Variants in AFF1 observed in about 807,000 individuals in gnomAD.
AFF1 encodes AF4/FMR2 family member 1.
A neutral mutation model predicts 121.7 loss-of-function variants in AFF1; 48 were observed. The ratio of observed to expected loss-of-function variants is 0.39; its 90% CI spans 0.31 to 0.50. The LOEUF (loss-of-function observed/expected upper bound fraction) is 0.50. Among genes scored for constraint, AFF1 ranks in the 20% least tolerant of loss-of-function variants. AFF1 has a pLI of 0.76. For missense variants in AFF1, 1,523 were observed against 1,511.7 expected (o/e 1.01, Z -0.12); for synonymous variants, 613 against 563.0 (o/e 1.09, Z -1.26).
intron 12 of AFF1, among the ~76,000 whole-genome samples, chr4:87,119,470 C>T (rs1727455838): frequency 6.6e-6 from 1 of 152,014 alleles, no homozygotes; most frequent in South Asian, 2.1e-4. Context: ...ACTCGGGAAG[C>T]TGTGGTGGGA....
intron 2 of AFF1, among the ~76,000 whole-genome samples, chr4:87,035,495 A>G (rs1156618101): frequency 6.6e-6 from 1 of 151,910 alleles, no homozygotes; most frequent in Non-Finnish European, 1.5e-5. Flanking sequence ...CGGGAGGCGG[A>G]GCTTGCAGTG....
At chr4:86,975,285 CTG>C (rs1436518245) in intron 2 of AFF1, among the ~76,000 whole-genome samples, 2 of 152,158 alleles carry the variant, frequency 1.3e-5, no homozygotes, top group Middle Eastern at 3.2e-3. Context: ...GCGTCTCACT[CTG>C]TTACCCAGGC....
In AFF1 at chr4:87,134,533, A is replaced by G. The variant is rs1407467267; in HGVS notation, c.3374A>G (p.Gln1125Arg). ...TCTCCTGCCAGCTCCGTAGGGTCCCAGTCAAGTGCTGGCAGTGTGGGGAGC... is the reference window on the plus strand; with the variant it reads ...TCTCCTGCCAGCTCCGTAGGGTCCCGGTCAAGTGCTGGCAGTGTGGGGAGC... ...MPSPASSVGS[Q>R]SSAGSVGSSG... is the part of the protein sequence containing the mutation. The change falls in exon 20 of 21, where the codon CAG becomes CGG. Residue 1125 changes from glutamine to arginine, a missense_variant. Around this residue, in one of 5 missense-constraint regions of AFF1, gnomAD observed 241 missense variants for 265.2 expected, o/e 0.91. Transcript: ENST00000395146. 6.2e-7 allele frequency: 1 copy of G among 1,613,820 alleles called. No homozygotes were observed. Among genetic ancestry groups the G allele is most frequent in the African/African-American group, 1.3e-5 (1 of 74,906 alleles).
intron 4 of AFF1, among the ~76,000 whole-genome samples, chr4:87,081,363 G>A (rs1261186542): frequency 2.4e-4 from 37 of 151,642 alleles, no homozygotes; most frequent in Admixed American, 2.2e-3. Context: ...GGGTTTCACC[G>A]TGTTAGCCAG....
At chr4:87,019,551 C>G (rs1727672881) in intron 2 of AFF1, among the ~76,000 whole-genome samples, 1 of 152,172 alleles carries the variant, frequency 6.6e-6, no homozygotes, top group Admixed American at 6.5e-5. Context: ...GGTTGTCAAT[C>G]TTGCCTACAC....
At chr4:87,072,178 A>C (rs1296844795) in intron 4 of AFF1, among the ~76,000 whole-genome samples, 20 of 152,250 alleles carry the variant, frequency 1.3e-4, no homozygotes, top group Non-Finnish European at 1.5e-5. Context: ...CCTGGCTAAC[A>C]CGGTGAAGAC....
chr4:87,107,885 G>A (rs1203220479), intron 10 of AFF1, among the ~76,000 whole-genome samples: 5 of 152,184 alleles, frequency 3.3e-5, no homozygotes, highest in South Asian at 2.1e-4. Flanking sequence ...GAAGCACCCA[G>A]CATCTAACTT....
intron 8 of AFF1, among the ~76,000 whole-genome samples, chr4:87,099,792 G>C (rs1439830730): frequency 6.6e-6 from 1 of 152,186 alleles, no homozygotes; most frequent in African/African-American, 2.4e-5. Context: ...ACAAACTGTA[G>C]GTGGCATATA....
intron 2 of AFF1, among the ~76,000 whole-genome samples, chr4:86,977,189 AC>A (rs76749364): frequency 0.14 from 21,584 of 152,120 alleles, 1,927 homozygotes; most frequent in East Asian, 0.21. Context: ...ATAGTACTGC[AC>A]CCTATACACT....
chr4:87,106,793 G>T (rs907275519), intron 10 of AFF1, among the ~76,000 whole-genome samples: 1 of 152,188 alleles, frequency 6.6e-6, no homozygotes, highest in African/African-American at 2.4e-5. Context: ...ACTCAGAGAC[G>T]ACATTAGCAA....
chr4:87,079,159 T>C (rs1056339753), intron 4 of AFF1, among the ~76,000 whole-genome samples: 1 of 152,168 alleles, frequency 6.6e-6, no homozygotes. Flanking sequence ...TCCTGGTTAG[T>C]GATAAGTAAG....
intron 15 of AFF1, 22 bp from the exon 16 acceptor site, chr4:87,127,621 C>A (rs761008577): frequency 5.6e-6 from 9 of 1,613,882 alleles, no homozygotes; most frequent in Non-Finnish European, 7.6e-6. Flanking sequence ...ATGACCTGTC[C>A]CTGGTTTTTC....
At chr4:87,095,899 G>A (rs953759784) in intron 8 of AFF1, among the ~76,000 whole-genome samples, 8 of 152,116 alleles carry the variant, frequency 5.3e-5, no homozygotes, top group African/African-American at 1.9e-4. Context: ...TGTGTTGCTA[G>A]TCTCAGGATT....
chr4:87,036,805 A>G (rs775420279), intron 2 of AFF1: 1 of 514,900 alleles, frequency 1.9e-6, no homozygotes, highest in East Asian at 5.5e-5. Context: ...GGCAGCAAGT[A>G]TCTGCTTTTT....
chr4:87,007,858 G>C (rs1356302612), intron 2 of AFF1, among the ~76,000 whole-genome samples: 1 of 152,180 alleles, frequency 6.6e-6, no homozygotes, highest in East Asian at 1.9e-4. Context: ...GAGGGTGGGT[G>C]AGAATTTGCC....
intron 2 of AFF1, among the ~76,000 whole-genome samples, chr4:87,031,288 T>C (rs1729058248): frequency 6.6e-6 from 1 of 152,188 alleles, no homozygotes; most frequent in South Asian, 2.1e-4. Flanking sequence ...TCTTTCTCTC[T>C]TGGAAACTTC....
At chr4:87,063,256 T>TTTTTTTTTTTTTGA (rs869168821) in intron 4 of AFF1, among the ~76,000 whole-genome samples, 4 of 134,552 alleles carry the variant, frequency 3.0e-5, no homozygotes, top group African/African-American at 1.2e-4. Context: ...TTTTTTTTTT[T>TTTTTTTTTTTTTGA]GAGACAGAGT....
Position 87,066,637 on chromosome 4 carries a change from TAGTA to T in AFF1, c.1060-17482_1060-17479del, listed in dbSNP as rs1315113336. 2.6e-4 allele frequency among the ~76,000 whole-genome samples: 40 copies of T among 152,162 alleles called. No individual in the cohort carries two copies. In the East Asian group the frequency reaches 7.4e-3, roughly 28 times the overall value. On this transcript the variant is annotated intron_variant, in intron 4 of 20. Coordinates refer to ENST00000395146, the MANE Select transcript of AFF1 (RefSeq NM_001166693.3). Reference sequence around the variant, plus strand: ...AGGTAGGGAGAGACAAGGAGAAGGGTAGTACTGACATGGCCTGTCTTTACTTTCC... The same window carrying T: ...AGGTAGGGAGAGACAAGGAGAAGGGTCTGACATGGCCTGTCTTTACTTTCC...
At chr4:86,947,145 G>A (rs1720926465) in intron 1 of AFF1, among the ~76,000 whole-genome samples, 1 of 152,140 alleles carries the variant, frequency 6.6e-6, no homozygotes, top group Admixed American at 6.5e-5. Context: ...AGACTAGTGG[G>A]GATTGAGTTG....
Sources: allele counts gnomAD v4.1 joint callset (sites outside exome capture counted in the v4.1 genomes callset), GRCh38; gene constraint gnomAD v4.1.1; regional missense constraint gnomAD v4.1.1; transcripts MANE v1.5; gene names NCBI Gene and HGNC (gene_info 2026-07-23, HGNC 2026-07-21).